Variants in ALX4 observed in about 807,000 individuals in gnomAD.
ALX4 encodes the protein homeobox protein aristaless-like 4.
A neutral mutation model predicts 40.6 loss-of-function variants in ALX4; 22 were observed. The observed-to-expected ratio is 0.54, with a 90% CI of 0.39 to 0.77. ALX4 has a LOEUF of 0.77. ALX4 is among the 30% of genes least tolerant of loss of function. ALX4 has a pLI of 0.00. For missense variants in ALX4, 556 were observed against 564.8 expected (o/e 0.98, Z 0.16); for synonymous variants, 266 against 240.5 (o/e 1.11, Z -0.98).
chr11:44,299,731 G>A (rs1260303157), intron 1 of ALX4, among the ~76,000 whole-genome samples: 1 of 152,144 alleles, frequency 6.6e-6, no homozygotes. Flanking sequence ...GTTATCTCAA[G>A]TCTAATCAGG....
At chr11:44,267,456 G>T (rs1380958654) in intron 3 of ALX4, 38 bp downstream of exon 3, 3 of 1,611,388 alleles carry the variant, frequency 1.9e-6, no homozygotes, top group East Asian at 2.2e-5. Context: ...AGCACCAGGG[G>T]CTGGGGATCG....
At chr11:44,299,813 G>A (rs1590703072) in intron 1 of ALX4, among the ~76,000 whole-genome samples, 1 of 152,146 alleles carries the variant, frequency 6.6e-6, no homozygotes, top group Admixed American at 6.5e-5. Flanking sequence ...CTTCCTTCCT[G>A]GCTGTCTCAC....
At position 44,310,047 on chromosome 11, in the gene ALX4, A is replaced by G. The variant is rs754405082; in HGVS notation, c.16T>C (p.Cys6Arg). MNAETCVSYCESPAAA... is the reference protein window; with the variant it reads MNAETRVSYCESPAAA... ...GCCGGCGACTCGCAGTAAGAGACGC[A>G]AGTCTCAGCATTCATGCCTGGCTTG... The change falls in exon 1 of 4, where the codon TGC becomes CGC. Residue 6 changes from cysteine to arginine, a missense_variant. Cys to Arg is a radical substitution (Grantham distance 180, BLOSUM62 -3). Transcript: ENST00000652299. 1.9e-6 allele frequency: 3 copies of G among 1,597,664 alleles called. No homozygotes were observed. Among genetic ancestry groups the G allele is most frequent in the Non-Finnish European group, 2.6e-6 (3 of 1,172,408 alleles).
chr11:44,274,798 A>AG (rs1237477952), intron 2 of ALX4, among the ~76,000 whole-genome samples: 1 of 152,140 alleles, frequency 6.6e-6, no homozygotes, highest in Non-Finnish European at 1.5e-5. Flanking sequence ...GGCTGGTAAT[A>AG]GGGGGGCTAC....
At chr11:44,266,913 A>G (rs1956216860) in intron 3 of ALX4, among the ~76,000 whole-genome samples, 1 of 152,222 alleles carries the variant, frequency 6.6e-6, no homozygotes, top group Non-Finnish European at 1.5e-5. Flanking sequence ...AAACTGTACA[A>G]TTCACAAAAT....
intron 2 of ALX4, among the ~76,000 whole-genome samples, chr11:44,269,241 C>T (rs1346203885): frequency 6.6e-6 from 1 of 152,216 alleles, no homozygotes; most frequent in Non-Finnish European, 1.5e-5. Context: ...TTGCCAAGGG[C>T]CTCAGTTTCT....
rs573095074 is a variant in ALX4, at chr11:44,295,206, A to G, written c.466+14391T>C. On this transcript the variant is annotated intron_variant, in intron 1 of 3. Transcript: ENST00000652299. The stretch of plus-strand genomic sequence containing the variant: ...CTCACCCTATCACTAACAGGTAGAC[A>G]TGATTCTTATCCCCACTTTACAGGT... Among the ~76,000 whole-genome samples, 29 of 152,292 alleles carry G rather than the reference A, an allele frequency of 1.9e-4. 1 individual carries two copies. Among genetic ancestry groups the G allele is most frequent in the African/African-American group, 6.7e-4 (28 of 41,558 alleles).
chr11:44,299,163 T>C (rs1355418036), intron 1 of ALX4, among the ~76,000 whole-genome samples: 1 of 152,126 alleles, frequency 6.6e-6, no homozygotes, highest in Non-Finnish European at 1.5e-5. Flanking sequence ...CAGTCATTCC[T>C]CATACCAGCT....
At chr11:44,271,366 T>C (rs60025149) in intron 2 of ALX4, among the ~76,000 whole-genome samples, 2,616 of 152,360 alleles carry the variant, frequency 0.017, 79 homozygotes, top group African/African-American at 0.06. Flanking sequence ...TGGCTGCTGT[T>C]AACTTCAGGT....
intron 1 of ALX4, among the ~76,000 whole-genome samples, chr11:44,286,178 G>A (rs1354399857): frequency 2.0e-5 from 3 of 152,188 alleles, no homozygotes; most frequent in Non-Finnish European, 4.4e-5. Context: ...TCGGAAGAAG[G>A]GACCTTTCAG....
chr11:44,281,644 A>C (rs554365741), intron 1 of ALX4, among the ~76,000 whole-genome samples: 275 of 152,120 alleles, frequency 1.8e-3, no homozygotes, highest in African/African-American at 6.3e-3. Context: ...TTGAAAGGGC[A>C]CTGACTAAAC....
intron 2 of ALX4, among the ~76,000 whole-genome samples, chr11:44,274,673 C>CTGTGT (rs997867659): frequency 8.9e-5 from 13 of 146,328 alleles, no homozygotes; most frequent in South Asian, 2.3e-4. Flanking sequence ...TTGAGTTCCA[C>CTGTGT]TGTGTTGTGT....
At chr11:44,267,140 G>A (rs1956217732) in intron 3 of ALX4, among the ~76,000 whole-genome samples, 1 of 152,184 alleles carries the variant, frequency 6.6e-6, no homozygotes. Flanking sequence ...AGATTTCAGA[G>A]CTCGCTTTCT....
Position 44,264,600 on chromosome 11 carries a change from C to T in ALX4, c.*254G>A. ...GATGCGAAGCTGAAAAACGTGGCCA[C>T]CTGGCTTTCTCCACTGCCTGTGGCC... On this transcript the variant is annotated 3_prime_UTR_variant, in exon 4 of 4. Coordinates refer to ENST00000652299, the MANE Select transcript of ALX4 (RefSeq NM_021926.4). 4 of 577,012 alleles carry T rather than the reference C, an allele frequency of 6.9e-6. No homozygotes were observed. Among genetic ancestry groups the T allele is most frequent in the Non-Finnish European group, 9.2e-6 (3 of 324,758 alleles). 35.7% of individuals were successfully genotyped at this position (577,012 alleles called of 1,614,324 possible).
Position 44,265,133 on chromosome 11 carries a change from T to C in ALX4, c.957A>G (p.Pro319=), listed in dbSNP as rs1330247633. 2 of 1,608,598 alleles carry C rather than the reference T, an allele frequency of 1.2e-6. No homozygotes were observed. Among genetic ancestry groups the C allele is most frequent in the Non-Finnish European group, 8.5e-7 (1 of 1,176,768 alleles). ...LGNNGAASPV[P]ACVVPCDPVP... is the part of the protein sequence containing the mutation. ...CCGGGTCGCAGGGGACCACGCAGGC[T>C]GGCACTGGTGAGGCAGCCCCGTTGT... The change falls in exon 4 of 4, where the codon CCA becomes CCG. Residue 319 remains proline, a synonymous_variant. Transcript: ENST00000652299.
chr11:44,306,787 A>C (rs1175188038), intron 1 of ALX4, among the ~76,000 whole-genome samples: 1 of 151,760 alleles, frequency 6.6e-6, no homozygotes, highest in Non-Finnish European at 1.5e-5. Flanking sequence ...TAGGGATCCC[A>C]CTCCAGAGTC....
At chr11:44,291,912 A>C (rs1376051286) in intron 1 of ALX4, among the ~76,000 whole-genome samples, 1 of 151,874 alleles carries the variant, frequency 6.6e-6, no homozygotes, top group Non-Finnish European at 1.5e-5. Context: ...TCTGCCCCCC[A>C]GGTTCAAGCC....
intron 1 of ALX4, among the ~76,000 whole-genome samples, chr11:44,277,180 T>C (rs775869605): frequency 2.6e-5 from 4 of 152,162 alleles, no homozygotes; most frequent in Non-Finnish European, 5.9e-5. Flanking sequence ...AGCTATGTAG[T>C]TTTGCCATTA....
intron 2 of ALX4, among the ~76,000 whole-genome samples, chr11:44,271,881 T>G (rs1358171685): frequency 6.6e-6 from 1 of 152,210 alleles, no homozygotes; most frequent in Admixed American, 6.5e-5. Context: ...GAAGCATGCA[T>G]GCAACCCACA....
Sources: gnomAD v4.1 joint callset for allele counts (sites outside exome capture counted in the v4.1 genomes callset) on GRCh38, gnomAD v4.1.1 for gene constraint, MANE v1.5 for transcripts, NCBI Gene and HGNC (gene_info 2026-07-23, HGNC 2026-07-21) for gene names.